The following CSGALNACT1 variants were observed in gnomAD, a reference collection of about 807,000 sequenced individuals.
The protein encoded by CSGALNACT1 is chondroitin sulfate N-acetylgalactosaminyltransferase 1.
Under a neutral mutation model 51.0 loss-of-function variants are expected in CSGALNACT1, and 52 were observed. That is an observed-to-expected ratio of 1.02 (90% CI 0.82 to 1.29). The LOEUF is 1.29. Ranked by LOEUF, CSGALNACT1 falls within the 50% of genes most tolerant of loss-of-function variation. CSGALNACT1 has a pLI of 0.00. For synonymous variants in CSGALNACT1, 341 were observed against 254.4 expected, an observed-to-expected ratio of 1.34 and a Z score of -3.24; for missense variants, 935 against 679.2, an observed-to-expected ratio of 1.38 and a Z score of -4.19.
At chr8:19,540,746 G>A (rs528098616) in intron 3 of CSGALNACT1, among the ~76,000 whole-genome samples, 53 of 152,220 alleles carry the variant, frequency 3.5e-4, no homozygotes, top group Middle Eastern at 3.4e-3. Flanking sequence ...TGCCTGGAGA[G>A]CTTTGTTCAC....
At chr8:19,488,361 TTATATATACATATATATATATATATA>T (rs1452241508) in intron 4 of CSGALNACT1, among the ~76,000 whole-genome samples, 5 of 89,836 alleles carry the variant, frequency 5.6e-5, no homozygotes, top group East Asian at 7.7e-4. Context: ...TTATATATAT[TTATATATACATATATATATATATATA>T]TATATATATA....
intron 1 of CSGALNACT1, among the ~76,000 whole-genome samples, chr8:19,612,773 C>G (rs2052448760): frequency 6.6e-6 from 1 of 151,776 alleles, no homozygotes; most frequent in Non-Finnish European, 1.5e-5. Context: ...TTTAAAGTGG[C>G]TATTCTCTCT....
intron 6 of CSGALNACT1, among the ~76,000 whole-genome samples, chr8:19,429,150 G>C (rs947495485): frequency 6.6e-6 from 1 of 151,750 alleles, no homozygotes; most frequent in Non-Finnish European, 1.5e-5. Context: ...CCTATAAATG[G>C]GATTATACAT....
chr8:19,677,673 T>C (rs2060296357), intron 1 of CSGALNACT1, among the ~76,000 whole-genome samples: 1 of 152,196 alleles, frequency 6.6e-6, no homozygotes, highest in Admixed American at 6.5e-5. Context: ...ATGTAAATAC[T>C]GTCTTCATAA....
At chr8:19,433,348 T>C (rs1280292051) in intron 6 of CSGALNACT1, among the ~76,000 whole-genome samples, 1 of 152,218 alleles carries the variant, frequency 6.6e-6, no homozygotes, top group Non-Finnish European at 1.5e-5. Context: ...GCTTAGGACA[T>C]ACATGGGTTT....
intron 3 of CSGALNACT1, among the ~76,000 whole-genome samples, chr8:19,513,635 A>G (rs1257419942): frequency 6.6e-6 from 1 of 151,924 alleles, no homozygotes; most frequent in African/African-American, 2.4e-5. Context: ...ATCATCAGGC[A>G]ATTTTGTTGT....
chr8:19,423,799 T>C (rs1031082982), intron 6 of CSGALNACT1, among the ~76,000 whole-genome samples: 2 of 152,198 alleles, frequency 1.3e-5, no homozygotes, highest in Non-Finnish European at 2.9e-5. Context: ...GCAACCTTTC[T>C]ACAAGGAAAA....
rs1244551153 is a variant in CSGALNACT1, at chr8:19,667,025, AAGG to A, written c.-544+15445_-544+15447del. On this transcript the variant is annotated intron_variant, in intron 1 of 9. Coordinates refer to the CSGALNACT1 transcript ENST00000332246. ...AAAGAAAGAAAGAAAGAAAGGAAGGAAGGAAGGAAGGAAGGAAGAAAGAAAGAA... is the reference window on the plus strand; with the variant it reads ...AAAGAAAGAAAGAAAGAAAGGAAGGAAAGGAAGGAAGGAAGAAAGAAAGAA... Among the ~76,000 whole-genome samples the A allele has an allele frequency of 5.0e-4, 21 of 41,666 alleles. 1 individual carries two copies. Among genetic ancestry groups the A allele is most frequent in the African/African-American group, 1.9e-3 (15 of 7,784 alleles). 27.3% of individuals were successfully genotyped at this position (41,666 alleles called of 152,430 possible).
At chr8:19,676,084 T>TTAAAAAAAA (rs1554800831) in intron 1 of CSGALNACT1, among the ~76,000 whole-genome samples, 1 of 106,202 alleles carries the variant, frequency 9.4e-6, no homozygotes, top group African/African-American at 3.7e-5. Flanking sequence ...TTGTCTGATT[T>TTAAAAAAAA]AAAAAACAAA....
At chr8:19,405,402 T>C (rs1242116834) in exon 10 of CSGALNACT1, 4 of 462,980 alleles carry the variant, frequency 8.6e-6, no homozygotes, top group East Asian at 6.7e-5. Flanking sequence ...AGGAGAAATA[T>C]GCTTGCCTTT....
chr8:19,515,895 G>A (rs1188059320), intron 3 of CSGALNACT1, among the ~76,000 whole-genome samples: 1 of 152,084 alleles, frequency 6.6e-6, no homozygotes, highest in Non-Finnish European at 1.5e-5. Flanking sequence ...CCCAGAAGGT[G>A]CAATGAGGGC....
chr8:19,702,938 C>T (rs2061963125), intron 1 of CSGALNACT1, among the ~76,000 whole-genome samples: 1 of 152,154 alleles, frequency 6.6e-6, no homozygotes, highest in South Asian at 2.1e-4. Context: ...CACTTCTTCC[C>T]CTACACCCCT....
chr8:19,757,315 C>CCGGGGGCGGGGAG lies in CSGALNACT1; in HGVS notation c.-297+522_-297+534dup, dbSNP rs1356828510. 2 of 150,776 alleles carry CCGGGGGCGGGGAG rather than the reference C, an allele frequency of 1.3e-5. No individual in the cohort carries two copies. Among genetic ancestry groups the CCGGGGGCGGGGAG allele is most frequent in the East Asian group, 1.9e-4 (1 of 5,172 alleles). The allele number at this position is 150,776 out of a possible 1,614,324, so 9.3% of individuals were successfully genotyped here. On this transcript the variant is annotated intron_variant, in intron 1 of 1. Coordinates refer to the CSGALNACT1 transcript ENST00000517494. This position sits in a 1 kb window ranked among gnomAD's most constrained non-coding sequence, Gnocchi z 4.0. Reference sequence around the variant, plus strand: ...GGCAGCCGCGGAGCCTCCAGGGACCCCGGGGGCGGGGAGCAGCGGCGGCGG... The same window carrying CCGGGGGCGGGGAG: ...GGCAGCCGCGGAGCCTCCAGGGACCCCGGGGGCGGGGAGCGGGGGCGGGGAGCAGCGGCGGCGG...
intron 3 of CSGALNACT1, among the ~76,000 whole-genome samples, chr8:19,536,388 G>T (rs2083757923): frequency 6.6e-6 from 1 of 151,864 alleles, no homozygotes; most frequent in East Asian, 1.9e-4. Flanking sequence ...TCAACATATG[G>T]ACACTGAAAT....
chr8:19,655,593 T>G (rs2058201675), intron 1 of CSGALNACT1, among the ~76,000 whole-genome samples: 2 of 151,788 alleles, frequency 1.3e-5, no homozygotes, highest in Non-Finnish European at 1.5e-5. Flanking sequence ...TATATATATA[T>G]ATATTTGCAG....
At chr8:19,476,387 CCCA>C (rs1430763489) in intron 4 of CSGALNACT1, among the ~76,000 whole-genome samples, 1 of 152,054 alleles carries the variant, frequency 6.6e-6, no homozygotes, top group Non-Finnish European at 1.5e-5. Context: ...ATTACAGGTG[CCCA>C]CCACCACGCC....
chr8:19,607,115 A>G (rs2051493953), upstream of CSGALNACT1, among the ~76,000 whole-genome samples: 1 of 151,820 alleles, frequency 6.6e-6, no homozygotes. Context: ...AGAACGCGCC[A>G]CGGCACTCCA....
chr8:19,622,243 G>C (rs2053912808), intron 1 of CSGALNACT1, among the ~76,000 whole-genome samples: 1 of 152,196 alleles, frequency 6.6e-6, no homozygotes, highest in Admixed American at 6.5e-5. Context: ...AAACACGGTG[G>C]TTGTTTTATT....
intron 3 of CSGALNACT1, among the ~76,000 whole-genome samples, chr8:19,566,352 A>G (rs1247437632): frequency 6.6e-6 from 1 of 151,918 alleles, no homozygotes; most frequent in East Asian, 1.9e-4. Context: ...CTTCAGAGGA[A>G]GCGTGGCCCT....
Sources: allele counts gnomAD v4.1 joint callset (sites outside exome capture counted in the v4.1 genomes callset), GRCh38; gene constraint gnomAD v4.1.1; non-coding constraint Gnocchi (gnomAD v3.1); transcripts MANE v1.5; gene names NCBI Gene and HGNC (gene_info 2026-07-23, HGNC 2026-07-21).